The following RGS17 variants were observed in gnomAD, a reference collection of about 807,000 sequenced individuals.
RGS17 encodes the protein regulator of G protein signaling 17, also known as regulator of G-protein signaling 17.
In RGS17, 12 loss-of-function variants were observed where a neutral mutation model predicts 25.5. The observed-to-expected ratio is 0.47, with a 90% CI of 0.30 to 0.76. The LOEUF is 0.76. Among genes scored for constraint, RGS17 ranks in the 30% least tolerant of loss-of-function variants. The pLI is 0.07. For missense variants in RGS17, 196 were observed against 242.2 expected, an observed-to-expected ratio of 0.81 and a Z score of 1.27; for synonymous variants, 71 against 76.9, an observed-to-expected ratio of 0.92 and a Z score of 0.40.
At position 153,008,121 on chromosome 6, in the gene RGS17, G is replaced by A. The variant is rs1320417318; in HGVS notation, c.*3453C>T. On this transcript the variant is annotated 3_prime_UTR_variant, in exon 5 of 5. Coordinates refer to ENST00000206262, the MANE Select transcript of RGS17 (RefSeq NM_012419.5). ...GGCATTATTTTAAATTAGCTTAATG[G>A]GATGAAAATGTATTTTTGCTCCTAA... 1 of 151,916 alleles carries A rather than the reference G, an allele frequency of 6.6e-6. No homozygotes were observed. The highest frequency in any genetic ancestry group is 1.9e-4 in the East Asian group (1 of 5,196). The allele number at this position is 151,916 out of a possible 1,614,324, so 9.4% of individuals were successfully genotyped here.
intron 1 of RGS17, among the ~76,000 whole-genome samples, chr6:153,075,340 C>T (rs962518473): frequency 6.6e-6 from 1 of 152,160 alleles, no homozygotes; most frequent in African/African-American, 2.4e-5. Flanking sequence ...ACTTTTGTAA[C>T]TGGGCATACG....
intron 2 of RGS17, among the ~76,000 whole-genome samples, chr6:153,033,241 A>G (rs1307055972): frequency 2.6e-5 from 4 of 152,302 alleles, no homozygotes; most frequent in Non-Finnish European, 4.4e-5. Flanking sequence ...TCCTTCATGG[A>G]CATATTGATT....
chr6:153,125,305 T>C (rs1777688454), intron 1 of RGS17, among the ~76,000 whole-genome samples: 1 of 152,214 alleles, frequency 6.6e-6, no homozygotes, highest in African/African-American at 2.4e-5. Flanking sequence ...TTTAAAAATC[T>C]CACATACAAA....
At chr6:153,099,020 C>CA (rs368448294) in intron 1 of RGS17, among the ~76,000 whole-genome samples, 1,817 of 151,580 alleles carry the variant, frequency 0.012, 46 homozygotes, top group African/African-American at 0.04. Context: ...TCCCCCCGTC[C>CA]AAAAAAAATG....
chr6:153,024,744 G>C (rs1397218252), intron 3 of RGS17, among the ~76,000 whole-genome samples: 1 of 152,106 alleles, frequency 6.6e-6, no homozygotes, highest in Non-Finnish European at 1.5e-5. Context: ...CAAACAGCAA[G>C]GGGCCTAAAC....
At chr6:153,127,832 T>C (rs976250191) in intron 1 of RGS17, among the ~76,000 whole-genome samples, 3 of 152,190 alleles carry the variant, frequency 2.0e-5, no homozygotes, top group Admixed American at 1.3e-4. Context: ...ACAGTGTAAG[T>C]GCTGATTTTA....
chr6:153,088,206 C>T (rs527669517), intron 1 of RGS17, among the ~76,000 whole-genome samples: 9 of 152,280 alleles, frequency 5.9e-5, no homozygotes, highest in African/African-American at 2.2e-4. Context: ...TTGCCCACAG[C>T]GAACACCTTA....
At chr6:153,128,509 T>G (rs1777738854) in intron 1 of RGS17, among the ~76,000 whole-genome samples, 1 of 152,194 alleles carries the variant, frequency 6.6e-6, no homozygotes, top group Non-Finnish European at 1.5e-5. Flanking sequence ...GGCCATTATC[T>G]CTACGGCTTT....
rs552554754 is a variant in RGS17 at position 153,084,543 on chromosome 6, T to C, written c.-25-40500A>G. Among the ~76,000 whole-genome samples the C allele has an allele frequency of 4.0e-5, 6 of 151,864 alleles. 1 individual carries two copies. The South Asian group carries it at 1.3e-3, about 32-fold the overall frequency. On this transcript the variant is annotated intron_variant, in intron 1 of 4. Transcript: ENST00000206262. ...GGCTTAAATGACTCATTCTAAAAGG[T>C]TGTGAAAGGGAAAGGAATGATAGAG...
At chr6:153,077,917 A>T (rs1274466541) in intron 1 of RGS17, among the ~76,000 whole-genome samples, 2 of 151,638 alleles carry the variant, frequency 1.3e-5, no homozygotes, top group Non-Finnish European at 2.9e-5. Context: ...TCCATCACCC[A>T]AGCTGGGGTG....
Position 153,054,114 on chromosome 6 carries a change from GTGTATATA to G in RGS17, c.-25-10079_-25-10072del, listed in dbSNP as rs1562321748. 6.2e-5 allele frequency among the ~76,000 whole-genome samples: 3 copies of G among 48,536 alleles called. 1 individual carries two copies. Among genetic ancestry groups the G allele is most frequent in the African/African-American group, 2.3e-4 (3 of 12,800 alleles). 31.8% of individuals were successfully genotyped at this position (48,536 alleles called of 152,430 possible). On this transcript the variant is annotated intron_variant, in intron 1 of 4. Coordinates refer to ENST00000206262, the MANE Select transcript of RGS17 (RefSeq NM_012419.5). ...TTTTTATATATATATATATATATAT[GTGTATATA>G]TATATATATACAGCTTTATACCAGG...
chr6:153,085,560 G>A (rs927944821), intron 1 of RGS17, among the ~76,000 whole-genome samples: 2 of 152,148 alleles, frequency 1.3e-5, no homozygotes, highest in African/African-American at 4.8e-5. Flanking sequence ...AAGAATAAGG[G>A]AAGCAGTGCA....
At chr6:153,078,386 T>C (rs2129118680) in intron 1 of RGS17, among the ~76,000 whole-genome samples, 1 of 152,326 alleles carries the variant, frequency 6.6e-6, no homozygotes, top group African/African-American at 2.4e-5. Flanking sequence ...AAATATTAAC[T>C]CTACTGGTCC....
intron 1 of RGS17, among the ~76,000 whole-genome samples, chr6:153,090,397 G>A (rs1777110479): frequency 1.3e-5 from 2 of 150,960 alleles, no homozygotes; most frequent in Non-Finnish European, 2.9e-5. Flanking sequence ...AGGATCTGCT[G>A]GGCCCAGGAG....
intron 1 of RGS17, among the ~76,000 whole-genome samples, chr6:153,047,693 C>T (rs974901656): frequency 2.6e-5 from 4 of 152,178 alleles, no homozygotes; most frequent in South Asian, 2.1e-4. Flanking sequence ...CAATCTTCTA[C>T]AACCAGGAAG....
chr6:153,014,821 A>G (rs1439365782), intron 4 of RGS17, among the ~76,000 whole-genome samples: 2 of 151,334 alleles, frequency 1.3e-5, no homozygotes, highest in Non-Finnish European at 2.9e-5. Flanking sequence ...AAAGAAACCC[A>G]TTTCATAAAG....
At position 153,092,308 on chromosome 6, in the gene RGS17, C is replaced by T. The variant is rs1191677530; in HGVS notation, c.-26+38816G>A. Among the ~76,000 whole-genome samples the T allele has an allele frequency of 7.2e-5, 11 of 152,212 alleles. No homozygotes were observed. The East Asian group carries it at 7.7e-4, about 11-fold the overall frequency. ...ACACCAAGGTACAAATTTAACTATA[C>T]GATTTTGAAGGAAGCAGTTGAAGAC... On this transcript the variant is annotated intron_variant, in intron 1 of 4. Transcript: ENST00000206262.
Position 153,049,362 on chromosome 6 carries a change from C to T in RGS17, c.-25-5319G>A, listed in dbSNP as rs377054677. On this transcript the variant is annotated intron_variant, in intron 1 of 4. Coordinates refer to ENST00000206262, the MANE Select transcript of RGS17 (RefSeq NM_012419.5). Reference sequence around the variant, plus strand: ...GTATAAGAACTCTATAGAAATATTACGAAACTTTATCAAAAAACATAAAAT... The same window carrying T: ...GTATAAGAACTCTATAGAAATATTATGAAACTTTATCAAAAAACATAAAAT... Among the ~76,000 whole-genome samples, 75 of 152,106 alleles carry T rather than the reference C, an allele frequency of 4.9e-4. 1 individual carries two copies. The East Asian group carries it at 8.1e-3, about 16-fold the overall frequency.
chr6:153,079,384 C>T (rs558900913), intron 1 of RGS17, among the ~76,000 whole-genome samples: 1 of 152,282 alleles, frequency 6.6e-6, no homozygotes, highest in East Asian at 1.9e-4. Context: ...GGCCAACATT[C>T]TTGGTTTGTT....
Sources: allele counts gnomAD v4.1 joint callset (sites outside exome capture counted in the v4.1 genomes callset), GRCh38; gene constraint gnomAD v4.1.1; transcripts MANE v1.5; gene names NCBI Gene and HGNC (gene_info 2026-07-23, HGNC 2026-07-21).